Variants in ZNG1F observed in about 807,000 individuals in gnomAD.
The protein encoded by ZNG1F is Zn regulated GTPase metalloprotein activator 1F.
At chr9:41,132,079 T>C in the ZNG1F span, 33 of 1,547,594 alleles carry the variant, frequency 2.1e-5, 4 homozygotes, top group South Asian at 2.6e-4. Context: ...TTTACGAACA[T>C]TGTAACGTGA....
the ZNG1F span, among the ~76,000 whole-genome samples, chr9:41,155,199 T>C: frequency 1.3e-5 from 2 of 151,286 alleles, no homozygotes; most frequent in South Asian, 4.2e-4. Flanking sequence ...GCGAAGGACA[T>C]GAACAGACAC....
chr9:41,199,737 C>A, the ZNG1F span, among the ~76,000 whole-genome samples: 1 of 152,046 alleles, frequency 6.6e-6, no homozygotes. Flanking sequence ...GAGGGACCCA[C>A]CCCTACAGCA....
chr9:41,179,014 C>A, the ZNG1F span, among the ~76,000 whole-genome samples: 2 of 78,898 alleles, frequency 2.5e-5, 1 homozygote, highest in Non-Finnish European at 5.1e-5. Context: ...CTGGTGACTT[C>A]AAGTTGAAGC....
At chr9:41,203,235 T>G in the ZNG1F span, among the ~76,000 whole-genome samples, 1 of 152,168 alleles carries the variant, frequency 6.6e-6, no homozygotes, top group African/African-American at 2.4e-5. Context: ...AATAAGTACC[T>G]GATGGGGAGA....
At chr9:41,183,467 G>A in the ZNG1F span, 1 of 1,295,798 alleles carries the variant, frequency 7.7e-7, no homozygotes, top group East Asian at 2.5e-5. Flanking sequence ...GAAGCAAACT[G>A]TGTAAATTCA....
At chr9:41,183,246 A>G in the ZNG1F span, among the ~76,000 whole-genome samples, 1 of 144,182 alleles carries the variant, frequency 6.9e-6, no homozygotes, top group African/African-American at 2.6e-5. Flanking sequence ...TTGAACACTT[A>G]GAAGTATGAC....
At chr9:41,185,784 C>G in the ZNG1F span, among the ~76,000 whole-genome samples, 1 of 105,726 alleles carries the variant, frequency 9.5e-6, no homozygotes, top group African/African-American at 3.5e-5. Context: ...ATAAGAATTC[C>G]AAAGTTATAC....
At chr9:41,139,631 T>TA in the ZNG1F span, among the ~76,000 whole-genome samples, 2 of 151,590 alleles carry the variant, frequency 1.3e-5, no homozygotes, top group Non-Finnish European at 2.9e-5. Context: ...ACAAGCAGAC[T>TA]AAAAAAAGAT....
the ZNG1F span, among the ~76,000 whole-genome samples, chr9:41,152,455 T>C: frequency 2.8e-5 from 4 of 144,254 alleles, no homozygotes; most frequent in South Asian, 6.7e-4. Context: ...AGACAGAAAG[T>C]CAACAAGGAT....
At chr9:41,164,537 T>C in the ZNG1F span, 1 of 69,380 alleles carries the variant, frequency 1.4e-5, no homozygotes, top group African/African-American at 3.9e-5. Flanking sequence ...CAGGGAAGAC[T>C]TCACATAGGA....
chr9:41,174,115 G>A, the ZNG1F span, among the ~76,000 whole-genome samples: 12,704 of 142,648 alleles, frequency 0.089, 165 homozygotes, highest in East Asian at 0.15. Context: ...CCAGCTACTC[G>A]GGAGGCTGAG....
chr9:41,204,388 T>TTATATATATATATATA, the ZNG1F span, among the ~76,000 whole-genome samples: 3 of 20,228 alleles, frequency 1.5e-4, no homozygotes, highest in Non-Finnish European at 2.4e-4. Flanking sequence ...AATTTTTATT[T>TTATATATATATATATA]TATATATATA....
the ZNG1F span, among the ~76,000 whole-genome samples, chr9:41,151,676 AAG>A: frequency 2.0e-5 from 3 of 151,084 alleles, no homozygotes; most frequent in African/African-American, 4.9e-5. Flanking sequence ...TACAAGCCAG[AAG>A]AGAGTGGGGG....
At chr9:41,192,848 A>C in the ZNG1F span, among the ~76,000 whole-genome samples, 4 of 127,408 alleles carry the variant, frequency 3.1e-5, no homozygotes, top group Non-Finnish European at 6.7e-5. Context: ...AATAAGTATG[A>C]AATTTCTTAA....
chr9:41,139,245 C>A, the ZNG1F span, among the ~76,000 whole-genome samples: 1 of 142,110 alleles, frequency 7.0e-6, no homozygotes, highest in Middle Eastern at 3.5e-3. Context: ...TGCTATCTCT[C>A]TTCTGAATCT....
the ZNG1F span, among the ~76,000 whole-genome samples, chr9:41,139,202 G>T: frequency 7.3e-6 from 1 of 136,690 alleles, no homozygotes; most frequent in Non-Finnish European, 1.6e-5. Context: ...TTTTCCTATG[G>T]ATGTGGCTTC....
chr9:41,155,174 C>T, the ZNG1F span, among the ~76,000 whole-genome samples: 2 of 151,368 alleles, frequency 1.3e-5, no homozygotes, highest in Non-Finnish European at 1.5e-5. Context: ...AGCAAACAAC[C>T]CCATCAAAAA....
the ZNG1F span, chr9:41,183,732 T>C: frequency 6.2e-7 from 1 of 1,602,440 alleles, no homozygotes; most frequent in Non-Finnish European, 8.5e-7. Context: ...AAAACAAAGA[T>C]GAGGATAACT....
the ZNG1F span, among the ~76,000 whole-genome samples, chr9:41,152,374 G>A: frequency 6.7e-6 from 1 of 149,624 alleles, no homozygotes; most frequent in East Asian, 2.0e-4. Flanking sequence ...GACCTACAAA[G>A]AGACTTAGAC....
Sources: gnomAD v4.1 joint callset for allele counts (sites outside exome capture counted in the v4.1 genomes callset) on GRCh38, gnomAD v4.1.1 for gene constraint, MANE v1.5 for transcripts, NCBI Gene and HGNC (gene_info 2026-07-23, HGNC 2026-07-21) for gene names.